Variants in HS6ST3 observed in about 807,000 individuals in gnomAD.
HS6ST3 encodes heparan sulfate 6-O-sulfotransferase 3.
HS6ST3 carries 12 observed loss-of-function variants against 36.7 expected under a neutral mutation model. The observed-to-expected ratio is 0.33, with a 90% CI of 0.21 to 0.53. The LOEUF (loss-of-function observed/expected upper bound fraction) is 0.53. Among genes scored for constraint, HS6ST3 ranks in the 20% least tolerant of loss-of-function variants. The probability of loss-of-function intolerance (pLI) is 0.95; values close to 1 mark genes in which losing one functional copy is unlikely to be tolerated. For synonymous variants in HS6ST3, 240 were observed against 257.5 expected, an observed-to-expected ratio of 0.93 and a Z score of 0.65; for missense variants, 584 against 640.9, an observed-to-expected ratio of 0.91 and a Z score of 0.96.
At chr13:96,605,926 A>T (rs549925809) in intron 1 of HS6ST3, among the ~76,000 whole-genome samples, 9 of 152,300 alleles carry the variant, frequency 5.9e-5, no homozygotes, top group African/African-American at 2.2e-4. Context: ...ACAGGGACAG[A>T]TACTTCTTAA....
intron 1 of HS6ST3, among the ~76,000 whole-genome samples, chr13:96,442,075 G>A (rs918011690): frequency 6.6e-6 from 1 of 151,026 alleles, no homozygotes; most frequent in Non-Finnish European, 1.5e-5. Flanking sequence ...AGGCTGAAGT[G>A]CAGTGAAGTG....
At chr13:96,107,285 A>C (rs2053846149) in intron 1 of HS6ST3, among the ~76,000 whole-genome samples, 1 of 152,144 alleles carries the variant, frequency 6.6e-6, no homozygotes, top group Non-Finnish European at 1.5e-5. Flanking sequence ...TTTGAAATTG[A>C]GATGCTGGAG....
At chr13:96,661,855 C>G (rs1721405413) in intron 1 of HS6ST3, among the ~76,000 whole-genome samples, 1 of 152,066 alleles carries the variant, frequency 6.6e-6, no homozygotes, top group Non-Finnish European at 1.5e-5. Flanking sequence ...ATTTTTGAAG[C>G]TTAGTTTAGC....
intron 1 of HS6ST3, among the ~76,000 whole-genome samples, chr13:96,753,449 A>G (rs887407067): frequency 1.8e-4 from 27 of 152,246 alleles, no homozygotes; most frequent in African/African-American, 6.3e-4. Flanking sequence ...TTAAATTTTT[A>G]GATACTGTAT....
intron 1 of HS6ST3, among the ~76,000 whole-genome samples, chr13:96,293,670 A>G (rs1439460636): frequency 1.3e-5 from 2 of 152,140 alleles, no homozygotes; most frequent in African/African-American, 4.8e-5. Flanking sequence ...TTATGAAACC[A>G]TGATTCTCAG....
chr13:96,764,265 G>A (rs1440180819), intron 1 of HS6ST3, among the ~76,000 whole-genome samples: 2 of 152,198 alleles, frequency 1.3e-5, no homozygotes, highest in Admixed American at 6.5e-5. Context: ...CAAGAAACTA[G>A]ACTGTAGTTT....
In HS6ST3 at chr13:96,599,073, T is replaced by C. The variant is rs2056412382; in HGVS notation, c.708-233417T>C. On this transcript the variant is annotated intron_variant, in intron 1 of 1. Transcript: ENST00000376705. ...TGTTGTTGGATTCAGTTTGCTAGTA[T>C]TTTTTTGAGGATTTTTCCATCAGTG... Among the ~76,000 whole-genome samples, 3 of 152,116 alleles carry C rather than the reference T, an allele frequency of 2.0e-5. No individual in the cohort carries two copies. In the South Asian group the frequency reaches 6.2e-4, roughly 32 times the overall value.
intron 1 of HS6ST3, among the ~76,000 whole-genome samples, chr13:96,186,058 G>T (rs930600936): frequency 6.6e-6 from 1 of 152,122 alleles, no homozygotes; most frequent in East Asian, 1.9e-4. Context: ...GCATATGTAT[G>T]TAAATACATT....
intron 1 of HS6ST3, among the ~76,000 whole-genome samples, chr13:96,770,040 G>A (rs1877222973): frequency 6.6e-6 from 1 of 152,102 alleles, no homozygotes; most frequent in African/African-American, 2.4e-5. Flanking sequence ...TTTCACTCTT[G>A]CCCTTGAAAC....
chr13:96,770,769 C>T (rs961314726), intron 1 of HS6ST3, among the ~76,000 whole-genome samples: 1 of 152,210 alleles, frequency 6.6e-6, no homozygotes, highest in Non-Finnish European at 1.5e-5. Context: ...TCTGTGGCCA[C>T]CCTTTGTGGG....
At chr13:96,518,443 T>G (rs1352817846) in intron 1 of HS6ST3, among the ~76,000 whole-genome samples, 1 of 152,172 alleles carries the variant, frequency 6.6e-6, no homozygotes, top group Non-Finnish European at 1.5e-5. Context: ...TGTAGCAACT[T>G]CAAAATTGCT....
At chr13:96,204,673 C>T (rs767903153) in intron 1 of HS6ST3, among the ~76,000 whole-genome samples, 21 of 152,116 alleles carry the variant, frequency 1.4e-4, no homozygotes, top group Admixed American at 5.9e-4. Flanking sequence ...GAAATTAGAA[C>T]TCAAGATTAA....
intron 1 of HS6ST3, among the ~76,000 whole-genome samples, chr13:96,599,515 C>A (rs191331382): frequency 2.6e-5 from 4 of 151,712 alleles, no homozygotes; most frequent in Admixed American, 2.0e-4. Context: ...TGCTTTGAGT[C>A]TTCTCTCTTT....
intron 1 of HS6ST3, among the ~76,000 whole-genome samples, chr13:96,712,759 G>A (rs1875593743): frequency 6.6e-6 from 1 of 151,858 alleles, no homozygotes; most frequent in South Asian, 2.1e-4. Context: ...TGCAAATTCT[G>A]GTCTACGGCT....
chr13:96,151,049 C>T (rs1566894140), intron 1 of HS6ST3, among the ~76,000 whole-genome samples: 1 of 152,056 alleles, frequency 6.6e-6, no homozygotes, highest in East Asian at 1.9e-4. Flanking sequence ...TGCCTACCAA[C>T]AGGAAATTGA....
intron 1 of HS6ST3, among the ~76,000 whole-genome samples, chr13:96,623,436 T>C (rs2056501804): frequency 6.6e-6 from 1 of 151,956 alleles, no homozygotes; most frequent in Admixed American, 6.6e-5. Flanking sequence ...GCAGGCAGCA[T>C]TGGCCTATCT....
chr13:96,355,429 G>T (rs2055205811), intron 1 of HS6ST3, among the ~76,000 whole-genome samples: 1 of 145,978 alleles, frequency 6.9e-6, no homozygotes, highest in Non-Finnish European at 1.5e-5. Flanking sequence ...ACACACAGAG[G>T]CATAGATGAT....
intron 1 of HS6ST3, among the ~76,000 whole-genome samples, chr13:96,349,568 G>A (rs984100877): frequency 9.9e-5 from 15 of 152,116 alleles, no homozygotes; most frequent in African/African-American, 2.4e-4. Context: ...GATTCACTTC[G>A]CTTCTGAAAG....
At chr13:96,230,667 T>G (rs1273189383) in intron 1 of HS6ST3, among the ~76,000 whole-genome samples, 1 of 151,820 alleles carries the variant, frequency 6.6e-6, no homozygotes, top group Non-Finnish European at 1.5e-5. Context: ...GAGGACTGGA[T>G]GGGAATGGAG....
Sources: allele counts gnomAD v4.1 joint callset (sites outside exome capture counted in the v4.1 genomes callset), GRCh38; gene constraint gnomAD v4.1.1; transcripts MANE v1.5; gene names NCBI Gene and HGNC (gene_info 2026-07-23, HGNC 2026-07-21).